The following PATJ variants were observed in gnomAD, a reference collection of about 807,000 sequenced individuals.
The protein encoded by PATJ is PATJ crumbs cell polarity complex component.
A neutral mutation model predicts 224.9 loss-of-function variants in PATJ; 190 were observed. The ratio of observed to expected loss-of-function variants is 0.84; its 90% CI spans 0.75 to 0.95. PATJ has a LOEUF of 0.95. Ranked by LOEUF, PATJ falls within the 40% of genes least tolerant of loss-of-function variation. PATJ has a pLI of 0.00. For synonymous variants in PATJ, 769 were observed against 820.3 expected, an observed-to-expected ratio of 0.94 and a Z score of 1.07; for missense variants, 2,121 against 2,270.3, an observed-to-expected ratio of 0.93 and a Z score of 1.34.
chr1:61,880,729 A>G (rs4428920), intron 21 of PATJ, among the ~76,000 whole-genome samples: 134,099 of 152,298 alleles, frequency 0.88, 59,144 homozygotes, highest in East Asian at 0.99. Context: ...GTCATACTTT[A>G]ATCACATAAT....
intron 41 of PATJ, among the ~76,000 whole-genome samples, chr1:62,143,520 G>A (rs1667715450): frequency 7.4e-6 from 1 of 135,378 alleles, no homozygotes; most frequent in South Asian, 2.3e-4. Context: ...GCTTGATCTC[G>A]GCTCACTGCA....
chr1:62,153,649 T>A (rs962129603), intron 43 of PATJ, among the ~76,000 whole-genome samples, 168 bp downstream of exon 43: 3 of 151,992 alleles, frequency 2.0e-5, no homozygotes, highest in Non-Finnish European at 1.5e-5. Context: ...GGGAGAAGAG[T>A]TCTTTTACAA....
In PATJ at chr1:62,066,375, G is replaced by A. The variant is rs148199095; in HGVS notation, c.4126-13075G>A. ...AAGTATTATTGAAGGACAAGGTAACGTGCTGTGGGAACTTTTTTTTTTTTT... is the reference window on the plus strand; with the variant it reads ...AAGTATTATTGAAGGACAAGGTAACATGCTGTGGGAACTTTTTTTTTTTTT... On this transcript the variant is annotated intron_variant, in intron 31 of 43. Transcript: ENST00000642238. Among the ~76,000 whole-genome samples, 1,023 of 151,184 alleles carry A rather than the reference G, an allele frequency of 6.8e-3. 10 individuals are homozygous for A. The highest frequency in any genetic ancestry group is 0.024 in the African/African-American group (972 of 40,746).
At position 62,050,164 on chromosome 1, in the gene PATJ, A is replaced by G. The variant is rs1193579172; in HGVS notation, c.4033-802A>G. Among the ~76,000 whole-genome samples the G allele has an allele frequency of 2.0e-5, 3 of 148,818 alleles. No homozygotes were observed. The South Asian group carries it at 6.7e-4, about 33-fold the overall frequency. ...TTCATTTATTAAATTTTAAAGAAACATTTTTTATTAAATAAAAAAAATAAA... is the reference window on the plus strand; with the variant it reads ...TTCATTTATTAAATTTTAAAGAAACGTTTTTTATTAAATAAAAAAAATAAA... On this transcript the variant is annotated intron_variant, in intron 30 of 43. Coordinates refer to ENST00000642238, the MANE Select transcript of PATJ (RefSeq NM_001350145.3).
intron 27 of PATJ, among the ~76,000 whole-genome samples, chr1:61,971,014 A>ATTGCCAGCTCCT (rs1682901126): frequency 6.6e-6 from 1 of 152,234 alleles, no homozygotes; most frequent in South Asian, 2.1e-4. Context: ...CTTTAAGAAA[A>ATTGCCAGCTCCT]TTGCCAGCTC....
intron 29 of PATJ, among the ~76,000 whole-genome samples, chr1:62,033,422 GT>G (rs759720142): frequency 1.3e-5 from 2 of 152,168 alleles, no homozygotes; most frequent in Non-Finnish European, 2.9e-5. Context: ...CTCTAGAGAT[GT>G]CAGCAGAAGG....
intron 30 of PATJ, among the ~76,000 whole-genome samples, chr1:62,049,257 A>ACT (rs2148577999): frequency 6.7e-6 from 1 of 150,066 alleles, no homozygotes; most frequent in South Asian, 2.2e-4. Context: ...ACACACACAC[A>ACT]CACACACACA....
chr1:61,860,833 T>TAAA (rs760245834), intron 18 of PATJ, among the ~76,000 whole-genome samples: 1 of 133,514 alleles, frequency 7.5e-6, no homozygotes, highest in Non-Finnish European at 1.6e-5. Context: ...TGTCTCAATT[T>TAAA]AAAAAAAAAA....
At chr1:61,812,433 A>AGAGAGTGTGTGTGTGTGTGTGT (rs1397549346) in intron 14 of PATJ, among the ~76,000 whole-genome samples, 5 of 85,142 alleles carry the variant, frequency 5.9e-5, no homozygotes, top group Non-Finnish European at 9.5e-5. Context: ...AGAGAGAGAG[A>AGAGAGTGTGTGTGTGTGTGTGT]GTGTGTGTGT....
At chr1:61,836,562 C>A (rs1358695522) in intron 17 of PATJ, among the ~76,000 whole-genome samples, 2 of 152,220 alleles carry the variant, frequency 1.3e-5, no homozygotes, top group African/African-American at 4.8e-5. Flanking sequence ...AGTGTACTTA[C>A]AGATGTGTAC....
At chr1:61,796,724 T>TTTTCTTTC (rs1553163033) in intron 10 of PATJ, among the ~76,000 whole-genome samples, 3,498 of 52,548 alleles carry the variant, frequency 0.067, 145 homozygotes, top group East Asian at 0.19. Context: ...CTTTCTTTCT[T>TTTTCTTTC]TTTCTTTCTT....
intron 42 of PATJ, among the ~76,000 whole-genome samples, chr1:62,149,867 TTA>T (rs1301108068): frequency 3.9e-5 from 6 of 152,118 alleles, no homozygotes; most frequent in African/African-American, 1.4e-4. Context: ...GTTGAAAATG[TTA>T]TGATATTGTG....
intron 27 of PATJ, among the ~76,000 whole-genome samples, chr1:61,984,936 G>A (rs907352366): frequency 1.3e-5 from 2 of 152,048 alleles, no homozygotes; most frequent in African/African-American, 4.8e-5. Flanking sequence ...AGCCTGGCAT[G>A]AATTTGGATT....
chr1:61,786,154 T>C (rs1648477407), intron 7 of PATJ, among the ~76,000 whole-genome samples: 1 of 152,174 alleles, frequency 6.6e-6, no homozygotes, highest in African/African-American at 2.4e-5. Flanking sequence ...CCCGAGTAGT[T>C]GAGATTACAG....
At chr1:62,122,942 C>T in intron 38 of PATJ, 79 bp from the exon 39 acceptor site, 1 of 889,628 alleles carries the variant, frequency 1.1e-6, no homozygotes, top group South Asian at 2.1e-5. Context: ...AAAATGAAAC[C>T]ATTTTTCATG....
chr1:62,065,859 C>T (rs1656320045), intron 31 of PATJ, among the ~76,000 whole-genome samples: 1 of 152,230 alleles, frequency 6.6e-6, no homozygotes, highest in Non-Finnish European at 1.5e-5. Flanking sequence ...GTCACATCCC[C>T]TCCTTTCAGA....
intron 13 of PATJ, among the ~76,000 whole-genome samples, chr1:61,805,835 C>T (rs1653434469): frequency 6.6e-6 from 1 of 152,176 alleles, no homozygotes; most frequent in Admixed American, 6.6e-5. Flanking sequence ...AATTTATAAC[C>T]TGTATCAGCT....
In PATJ at chr1:61,861,588, C is replaced by A; in HGVS notation, c.2360C>A (p.Ser787Ter). Reference sequence around the variant, plus strand: ...GAAGAAAGTTGTTATATTTTACATTCAAGCAGTAATGAAGACAAGACTGAA... The same window carrying A: ...GAAGAAAGTTGTTATATTTTACATTAAAGCAGTAATGAAGACAAGACTGAA... Reference protein sequence around the residue: ...NEEESCYILHSSSNEDKTEFS... With the variant: ...NEEESCYILH The change falls in exon 19 of 44, where the codon TCA (serine) becomes TAA (stop). Residue 787 changes from serine (S) to a stop codon, truncating the protein, a stop_gained. Transcript: ENST00000642238. LOFTEE classifies it high-confidence loss of function. 1.4e-6 allele frequency: 2 copies of A among 1,471,140 alleles called. No homozygotes were observed. The highest frequency in any genetic ancestry group is 1.8e-6 in the Non-Finnish European group (2 of 1,092,688). The allele number at this position is 1,471,140 out of a possible 1,614,324, so 91.1% of individuals were successfully genotyped here. A position where few individuals can be genotyped will look rare whatever the true frequency, so the allele number is the denominator to read the frequency against.
chr1:62,106,154 G>GTATATATATATATATATATATA (rs1357638316), intron 33 of PATJ, among the ~76,000 whole-genome samples: 4 of 48,450 alleles, frequency 8.3e-5, no homozygotes, highest in African/African-American at 2.5e-4. Context: ...ATGTGTGTGT[G>GTATATATATATATATATATATA]TGTGTATATA....
Sources: allele counts gnomAD v4.1 joint callset (sites outside exome capture counted in the v4.1 genomes callset), GRCh38; gene constraint gnomAD v4.1.1; transcripts MANE v1.5; gene names NCBI Gene and HGNC (gene_info 2026-07-23, HGNC 2026-07-21).